SPOCK3: variants seen among roughly 807,000 people sequenced by gnomAD.
SPOCK3 encodes the protein SPARC (osteonectin), cwcv and kazal like domains proteoglycan 3.
In SPOCK3, 30 loss-of-function variants were observed where a neutral mutation model predicts 56.6. The ratio of observed to expected loss-of-function variants is 0.53; its 90% CI spans 0.40 to 0.72. The LOEUF (loss-of-function observed/expected upper bound fraction) is 0.72, where lower values mean the gene tolerates loss of function less well. SPOCK3 is among the 30% of genes least tolerant of loss of function. The pLI is 0.00. For missense variants in SPOCK3, 527 were observed against 530.0 expected (o/e 0.99, Z 0.06); for synonymous variants, 196 against 183.3 (o/e 1.07, Z -0.56).
chr4:167,197,780 T>C (rs942126808), intron 2 of SPOCK3, among the ~76,000 whole-genome samples: 13 of 152,280 alleles, frequency 8.5e-5, no homozygotes, highest in African/African-American at 2.9e-4. Flanking sequence ...AAAAATGAAG[T>C]GAATCCCCAA....
intron 7 of SPOCK3, among the ~76,000 whole-genome samples, chr4:166,777,227 T>C (rs189408093): frequency 6.6e-6 from 1 of 152,300 alleles, no homozygotes; most frequent in East Asian, 1.9e-4. Flanking sequence ...TTATTTTTTA[T>C]TTACATGAAA....
intron 6 of SPOCK3, among the ~76,000 whole-genome samples, chr4:166,824,751 T>C (rs1745286906): frequency 6.6e-6 from 1 of 152,056 alleles, no homozygotes; most frequent in Admixed American, 6.6e-5. Flanking sequence ...TTGATGACAG[T>C]GTTAACTAAA....
intron 6 of SPOCK3, among the ~76,000 whole-genome samples, chr4:166,842,828 C>T (rs866857316): frequency 6.6e-6 from 1 of 152,256 alleles, no homozygotes. Context: ...CAGTCCCGCA[C>T]TGCCGGCCTG....
Position 166,779,389 on chromosome 4 carries a change from A to G in SPOCK3, c.709+12781T>C, listed in dbSNP as rs989946126. 4.6e-5 allele frequency among the ~76,000 whole-genome samples: 7 copies of G among 152,290 alleles called. No homozygotes were observed. The South Asian group carries it at 6.2e-4, about 14-fold the overall frequency. ...GCAACTAAGATTGTTAAATTCAATA[A>G]GGTAAAAGAAAACATGCTTGTAATA... On this transcript the variant is annotated intron_variant, in intron 7 of 10. Coordinates refer to ENST00000357545, the MANE Select transcript of SPOCK3 (RefSeq NM_001040159.2).
chr4:166,802,127 A>G (rs1291072169), intron 6 of SPOCK3, among the ~76,000 whole-genome samples: 1 of 152,212 alleles, frequency 6.6e-6, no homozygotes, highest in East Asian at 1.9e-4. Flanking sequence ...AGAACACATA[A>G]ATTAGAGAAA....
At chr4:166,887,898 C>G (rs1242024204) in intron 6 of SPOCK3, among the ~76,000 whole-genome samples, 1 of 150,944 alleles carries the variant, frequency 6.6e-6, no homozygotes, top group Admixed American at 6.6e-5. Context: ...TGAAAGGCAG[C>G]GTGGCATCTC....
chr4:167,157,472 C>T (rs144389037), intron 2 of SPOCK3, among the ~76,000 whole-genome samples: 248 of 151,596 alleles, frequency 1.6e-3, no homozygotes, highest in African/African-American at 5.7e-3. Context: ...ATCTAAATAA[C>T]CTTGTAGATT....
Position 167,215,901 on chromosome 4 carries a change from A to C in SPOCK3, c.189+18084T>G, listed in dbSNP as rs865981013. 2.2e-4 allele frequency among the ~76,000 whole-genome samples: 33 copies of C among 152,272 alleles called. No homozygotes were observed. The Middle Eastern group carries it at 0.01, about 47-fold the overall frequency. On this transcript the variant is annotated intron_variant, in intron 2 of 10. Coordinates refer to ENST00000357545, the MANE Select transcript of SPOCK3 (RefSeq NM_001040159.2). ...TCAGCAGAAAACATGTTTCAGGAAG[A>C]CTGGTACATTTGCTCCCTGAGGCTG...
chr4:167,134,053 G>C (rs1487927874), intron 2 of SPOCK3, among the ~76,000 whole-genome samples: 2 of 111,684 alleles, frequency 1.8e-5, no homozygotes, highest in African/African-American at 3.5e-5. Context: ...TTTTGAGACA[G>C]AGTCTTGCTC....
At chr4:166,975,121 C>G (rs1442303620) in intron 4 of SPOCK3, among the ~76,000 whole-genome samples, 1 of 152,154 alleles carries the variant, frequency 6.6e-6, no homozygotes, top group African/African-American at 2.4e-5. Flanking sequence ...AGGCCCTCCA[C>G]AGCAGCTGAC....
chr4:167,196,490 C>T (rs149084344), intron 2 of SPOCK3, among the ~76,000 whole-genome samples: 288 of 152,130 alleles, frequency 1.9e-3, no homozygotes, highest in African/African-American at 6.8e-3. Flanking sequence ...AGGTGTCAAC[C>T]AGCTGCATTC....
intron 7 of SPOCK3, among the ~76,000 whole-genome samples, chr4:166,788,882 G>T (rs1424127076): frequency 1.3e-5 from 2 of 151,746 alleles, no homozygotes; most frequent in Non-Finnish European, 1.5e-5. Flanking sequence ...ATCAATGCTG[G>T]CTAATTTTTA....
chr4:167,145,880 T>A (rs554527059), intron 2 of SPOCK3, among the ~76,000 whole-genome samples: 1 of 152,174 alleles, frequency 6.6e-6, no homozygotes, highest in South Asian at 2.1e-4. Flanking sequence ...AGACCATAGA[T>A]GCTATGAAGA....
chr4:167,187,358 A>T (rs1258207778), intron 2 of SPOCK3, among the ~76,000 whole-genome samples: 1 of 151,282 alleles, frequency 6.6e-6, no homozygotes, highest in Non-Finnish European at 1.5e-5. Flanking sequence ...AGCAAGAATT[A>T]ATTTTCAGAC....
chr4:166,890,912 A>T (rs1260397666), intron 5 of SPOCK3, among the ~76,000 whole-genome samples: 4 of 151,982 alleles, frequency 2.6e-5, no homozygotes, highest in African/African-American at 9.7e-5. Flanking sequence ...GTCTCTAAGA[A>T]CTTGTTTTAT....
At chr4:167,220,174 T>C (rs1735762901) in intron 2 of SPOCK3, among the ~76,000 whole-genome samples, 2 of 152,152 alleles carry the variant, frequency 1.3e-5, no homozygotes, top group East Asian at 3.9e-4. Flanking sequence ...TAGTAAGTTG[T>C]GAATCCTAGA....
chr4:167,173,779 A>G (rs559418373), intron 2 of SPOCK3, among the ~76,000 whole-genome samples: 32 of 152,118 alleles, frequency 2.1e-4, no homozygotes, highest in Non-Finnish European at 4.3e-4. Flanking sequence ...AAGAAGGAGG[A>G]GGATGACTAG....
At chr4:167,186,446 G>C (rs1462056051) in intron 2 of SPOCK3, among the ~76,000 whole-genome samples, 7 of 152,000 alleles carry the variant, frequency 4.6e-5, no homozygotes, top group Non-Finnish European at 7.4e-5. Flanking sequence ...GGCCAACATG[G>C]TGAAACCCCA....
intron 2 of SPOCK3, among the ~76,000 whole-genome samples, chr4:167,084,457 C>G (rs538308467): frequency 6.6e-6 from 1 of 152,178 alleles, no homozygotes; most frequent in East Asian, 1.9e-4. Flanking sequence ...CTGCACAGCC[C>G]CAAGGCAAAT....
Sources: allele counts gnomAD v4.1 joint callset (sites outside exome capture counted in the v4.1 genomes callset), GRCh38; gene constraint gnomAD v4.1.1; transcripts MANE v1.5; gene names NCBI Gene and HGNC (gene_info 2026-07-23, HGNC 2026-07-21).